Variants in RSRC1 observed in about 807,000 individuals in gnomAD.
RSRC1 encodes the protein serine/Arginine-related protein 53.
In RSRC1, 39 loss-of-function variants were observed where a neutral mutation model predicts 49.1. That is an observed-to-expected ratio of 0.79 (90% CI 0.61 to 1.04). RSRC1 has a LOEUF of 1.04. Among genes scored for constraint, RSRC1 ranks in the 50% least tolerant of loss-of-function variants. RSRC1 has a pLI of 0.00. For missense variants in RSRC1, 388 were observed against 402.4 expected, an observed-to-expected ratio of 0.96 and a Z score of 0.31; for synonymous variants, 143 against 130.8, an observed-to-expected ratio of 1.09 and a Z score of -0.63.
intron 4 of RSRC1, among the ~76,000 whole-genome samples, chr3:158,286,473 A>C (rs746396763): frequency 3.3e-5 from 5 of 152,202 alleles, no homozygotes; most frequent in Non-Finnish European, 7.3e-5. Context: ...ATTTCCTCAC[A>C]GGTGGAATCT....
intron 7 of RSRC1, among the ~76,000 whole-genome samples, chr3:158,462,730 T>G (rs1436144446): frequency 2.0e-5 from 3 of 148,628 alleles, no homozygotes; most frequent in Non-Finnish European, 4.5e-5. Flanking sequence ...TTTTAAGACA[T>G]TTGCTTAAGA....
intron 8 of RSRC1, 41 bp from the exon 9 acceptor site, chr3:158,543,294 T>C: frequency 7.0e-7 from 1 of 1,424,670 alleles, no homozygotes; most frequent in Non-Finnish European, 9.2e-7. Context: ...AAAACTCTAA[T>C]TGTGTATTGT....
At chr3:158,441,714 G>A (rs1736388470) in intron 6 of RSRC1, among the ~76,000 whole-genome samples, 1 of 152,124 alleles carries the variant, frequency 6.6e-6, no homozygotes, top group Non-Finnish European at 1.5e-5. Flanking sequence ...ATTATAACTT[G>A]TGTGCATCTG....
rs1312385850 is a variant in RSRC1 at position 158,203,234 on chromosome 3, C to T, written c.483C>T (p.Asn161=). The change falls in exon 4 of 10, where the codon AAC becomes AAT. Residue 161 remains asparagine, a synonymous_variant. Coordinates refer to ENST00000611884, the MANE Select transcript of RSRC1 (RefSeq NM_001271838.2). The part of the protein sequence containing the change: ...KDKGKDKELH[N]IKRGESGNIK... ...AAGGGAAGGACAAGGAATTACATAA[C>T]ATCAAACGTGGGTAAGTTGGAGCAA... The T allele has an allele frequency of 6.3e-7, 1 of 1,586,388 alleles. No homozygotes were observed. Among genetic ancestry groups the T allele is most frequent in the African/African-American group, 1.3e-5 (1 of 74,620 alleles).
chr3:158,248,007 G>A (rs1204861378), intron 4 of RSRC1, among the ~76,000 whole-genome samples: 2 of 152,126 alleles, frequency 1.3e-5, no homozygotes, highest in African/African-American at 2.4e-5. Context: ...CACCCAATGC[G>A]ACTATCTGGA....
chr3:158,190,176 T>C (rs1170617600), intron 3 of RSRC1, among the ~76,000 whole-genome samples: 1 of 152,024 alleles, frequency 6.6e-6, no homozygotes, highest in East Asian at 1.9e-4. Context: ...AATATTCTTT[T>C]TCCTTTATTT....
chr3:158,372,167 A>G (rs1336452631), intron 6 of RSRC1, among the ~76,000 whole-genome samples: 3 of 151,840 alleles, frequency 2.0e-5, no homozygotes, highest in Non-Finnish European at 2.9e-5. Flanking sequence ...GCTCTTAATC[A>G]TGATGAAGTC....
At chr3:158,457,202 TGAG>T (rs1214676436) in intron 6 of RSRC1, among the ~76,000 whole-genome samples, 2 of 152,014 alleles carry the variant, frequency 1.3e-5, no homozygotes, top group East Asian at 3.9e-4. Context: ...TAAAAAGAAA[TGAG>T]GTCCCGAATG....
intron 5 of RSRC1, among the ~76,000 whole-genome samples, chr3:158,346,047 T>C (rs1443590942): frequency 6.6e-6 from 1 of 152,078 alleles, no homozygotes; most frequent in Non-Finnish European, 1.5e-5. Context: ...GAATTAAATG[T>C]AAAACAAAAC....
intron 6 of RSRC1, among the ~76,000 whole-genome samples, chr3:158,420,054 G>T (rs949484192): frequency 6.6e-6 from 1 of 151,544 alleles, no homozygotes; most frequent in African/African-American, 2.4e-5. Context: ...TCATAGGCAG[G>T]CTCACAAAAG....
chr3:158,174,009 C>T (rs1441875702), intron 3 of RSRC1, among the ~76,000 whole-genome samples: 1 of 151,424 alleles, frequency 6.6e-6, no homozygotes, highest in African/African-American at 2.4e-5. Flanking sequence ...AGAAAATGCT[C>T]GCAAGTTGAT....
chr3:158,156,441 A>C (rs1717883259), intron 3 of RSRC1, among the ~76,000 whole-genome samples: 1 of 152,208 alleles, frequency 6.6e-6, no homozygotes, highest in South Asian at 2.1e-4. Flanking sequence ...TCACTGGAAT[A>C]GTACTTTTAA....
At chr3:158,394,068 A>G (rs1733477184) in intron 6 of RSRC1, among the ~76,000 whole-genome samples, 1 of 152,164 alleles carries the variant, frequency 6.6e-6, no homozygotes, top group Non-Finnish European at 1.5e-5. Context: ...TGATCATCTC[A>G]GTAGATGCAG....
chr3:158,327,930 T>C (rs552075663), intron 5 of RSRC1, among the ~76,000 whole-genome samples: 1 of 152,368 alleles, frequency 6.6e-6, no homozygotes, highest in Non-Finnish European at 1.5e-5. Flanking sequence ...ATTGGGTGCA[T>C]ACATATTTAG....
At chr3:158,224,560 A>C (rs1287640545) in intron 4 of RSRC1, among the ~76,000 whole-genome samples, 1 of 151,824 alleles carries the variant, frequency 6.6e-6, no homozygotes, top group Non-Finnish European at 1.5e-5. Context: ...TGGATGGTTA[A>C]ATCCATATTC....
intron 5 of RSRC1, among the ~76,000 whole-genome samples, chr3:158,332,400 A>T (rs1308004850): frequency 2.0e-5 from 3 of 150,502 alleles, no homozygotes; most frequent in Non-Finnish European, 3.0e-5. Flanking sequence ...GGGGCAAAAA[A>T]CTGGTATGTT....
intron 5 of RSRC1, among the ~76,000 whole-genome samples, chr3:158,317,550 T>C (rs1728530001): frequency 6.7e-6 from 1 of 150,176 alleles, no homozygotes; most frequent in Non-Finnish European, 1.5e-5. Flanking sequence ...TTTCAGAGTA[T>C]GATGAGAAAC....
chr3:158,257,096 A>C (rs1192967780), intron 4 of RSRC1, among the ~76,000 whole-genome samples: 5 of 151,558 alleles, frequency 3.3e-5, no homozygotes, highest in African/African-American at 1.2e-4. Context: ...GATCTTAGTT[A>C]TTTCTTGCCT....
intron 3 of RSRC1, among the ~76,000 whole-genome samples, chr3:158,195,795 A>C (rs774903210): frequency 1.1e-4 from 16 of 152,210 alleles, no homozygotes; most frequent in Non-Finnish European, 2.2e-4. Flanking sequence ...TTGGTCAAAC[A>C]TCAGATAGTT....
Sources: gnomAD v4.1 joint callset for allele counts (sites outside exome capture counted in the v4.1 genomes callset) on GRCh38, gnomAD v4.1.1 for gene constraint, MANE v1.5 for transcripts, NCBI Gene and HGNC (gene_info 2026-07-23, HGNC 2026-07-21) for gene names.